Variants in AGBL4 observed in about 807,000 individuals in gnomAD.
The protein encoded by AGBL4 is AGBL carboxypeptidase 4.
In AGBL4, 58 loss-of-function variants were observed where a neutral mutation model predicts 66.4. The ratio of observed to expected loss-of-function variants is 0.87; its 90% CI spans 0.71 to 1.09. The LOEUF is 1.09. AGBL4 is among the 50% of genes least tolerant of loss of function. The pLI is 0.00. For missense variants in AGBL4, 579 were observed against 631.0 expected, an observed-to-expected ratio of 0.92 and a Z score of 0.88; for synonymous variants, 234 against 222.9, an observed-to-expected ratio of 1.05 and a Z score of -0.44.
intron 6 of AGBL4, among the ~76,000 whole-genome samples, chr1:48,810,403 G>A (rs1473732117): frequency 6.6e-6 from 1 of 152,194 alleles, no homozygotes; most frequent in African/African-American, 2.4e-5. Context: ...TAAGGGATCG[G>A]GTCCACTTCA....
At chr1:49,389,203 A>G (rs1644798359) in intron 3 of AGBL4, among the ~76,000 whole-genome samples, 1 of 152,052 alleles carries the variant, frequency 6.6e-6, no homozygotes, top group Admixed American at 6.6e-5. Context: ...GTTGGATATC[A>G]TAGACTTGCT....
chr1:49,066,065 A>G (rs935746478), intron 4 of AGBL4, among the ~76,000 whole-genome samples: 2 of 152,178 alleles, frequency 1.3e-5, no homozygotes, highest in African/African-American at 4.8e-5. Flanking sequence ...GAGGAGGAAA[A>G]AAATAAATCC....
chr1:49,410,833 G>C (rs1645300332), intron 3 of AGBL4, among the ~76,000 whole-genome samples: 1 of 152,150 alleles, frequency 6.6e-6, no homozygotes, highest in African/African-American at 2.4e-5. Context: ...TGACAACAAT[G>C]ACAGTAACGT....
intron 3 of AGBL4, among the ~76,000 whole-genome samples, chr1:49,280,200 A>G (rs1644247610): frequency 6.6e-6 from 1 of 152,026 alleles, no homozygotes; most frequent in South Asian, 2.1e-4. Context: ...CCAACCAGTT[A>G]GCAGTAAGAA....
chr1:49,549,824 A>G (rs1036196568), intron 3 of AGBL4, among the ~76,000 whole-genome samples: 1 of 152,002 alleles, frequency 6.6e-6, no homozygotes, highest in Non-Finnish European at 1.5e-5. Context: ...GTTTAAATCC[A>G]TTGTTTCTTT....
chr1:49,994,398 G>A (rs1021343934), intron 1 of AGBL4: 2 of 150,632 alleles, frequency 1.3e-5, no homozygotes, highest in Non-Finnish European at 3.0e-5. Context: ...GAATGAGGAA[G>A]CAGTATATGA....
At chr1:49,033,816 CCTTTT>C (rs1664422292) in intron 5 of AGBL4, among the ~76,000 whole-genome samples, 1 of 151,280 alleles carries the variant, frequency 6.6e-6, no homozygotes, top group African/African-American at 2.4e-5. Flanking sequence ...CTTCCTTTTT[CCTTTT>C]CTTTTTTTTT....
At chr1:48,581,948 G>GCCA (rs1299638290) in intron 11 of AGBL4, among the ~76,000 whole-genome samples, 1 of 152,200 alleles carries the variant, frequency 6.6e-6, no homozygotes, top group East Asian at 1.9e-4. Context: ...AGGCCAAGAG[G>GCCA]CCACCGGCCA....
chr1:49,821,423 A>G (rs1645366815), intron 2 of AGBL4, among the ~76,000 whole-genome samples: 1 of 152,212 alleles, frequency 6.6e-6, no homozygotes, highest in South Asian at 2.1e-4. Flanking sequence ...GATCAAGGCT[A>G]TGAAAATGCA....
chr1:49,882,105 T>C (rs909135902), intron 1 of AGBL4, among the ~76,000 whole-genome samples: 1 of 152,100 alleles, frequency 6.6e-6, no homozygotes, highest in Non-Finnish European at 1.5e-5. Context: ...TTTCTACATA[T>C]GGCTAGCCAG....
intron 5 of AGBL4, among the ~76,000 whole-genome samples, chr1:49,021,720 G>A (rs1377158603): frequency 1.3e-5 from 2 of 152,164 alleles, no homozygotes; most frequent in East Asian, 3.9e-4. Flanking sequence ...GTATGTGGGA[G>A]AAAATTGTTC....
intron 9 of AGBL4, among the ~76,000 whole-genome samples, chr1:48,633,146 A>T (rs1351241410): frequency 1.3e-5 from 2 of 152,220 alleles, no homozygotes; most frequent in African/African-American, 4.8e-5. Context: ...CTGTGAAAGG[A>T]CCTAGGAAAG....
intron 1 of AGBL4, among the ~76,000 whole-genome samples, chr1:49,854,919 G>A (rs1298547878): frequency 6.6e-6 from 1 of 152,160 alleles, no homozygotes; most frequent in East Asian, 1.9e-4. Flanking sequence ...TGCACCATCA[G>A]AGAGCTTGAG....
At chr1:49,239,833 C>G (rs1348686178) in intron 4 of AGBL4, among the ~76,000 whole-genome samples, 1 of 151,708 alleles carries the variant, frequency 6.6e-6, no homozygotes, top group African/African-American at 2.4e-5. Flanking sequence ...GAGGGGGAGA[C>G]AGATAATAAA....
intron 3 of AGBL4, among the ~76,000 whole-genome samples, chr1:49,378,951 G>A (rs1264093224): frequency 6.6e-6 from 1 of 151,984 alleles, no homozygotes; most frequent in Non-Finnish European, 1.5e-5. Context: ...TTTTTAAAAG[G>A]AAGGTATGAG....
intron 6 of AGBL4, among the ~76,000 whole-genome samples, chr1:48,675,496 A>T (rs546435623): frequency 1.3e-5 from 2 of 152,242 alleles, no homozygotes; most frequent in Non-Finnish European, 2.9e-5. Flanking sequence ...CAAAAGGACA[A>T]TGTCAAAAAG....
At chr1:48,824,175 C>T (rs138183474) in intron 6 of AGBL4, among the ~76,000 whole-genome samples, 3 of 152,262 alleles carry the variant, frequency 2.0e-5, no homozygotes, top group African/African-American at 7.2e-5. Context: ...AAAGGAAAGT[C>T]AAACCTATTT....
At chr1:49,542,465 G>A (rs528952257) in intron 3 of AGBL4, among the ~76,000 whole-genome samples, 10 of 152,072 alleles carry the variant, frequency 6.6e-5, no homozygotes, top group South Asian at 2.1e-4. Context: ...CGGACATGCC[G>A]CCTTTAAGGA....
At chr1:48,546,092 A>T (rs1016968422) in intron 11 of AGBL4, among the ~76,000 whole-genome samples, 1 of 152,194 alleles carries the variant, frequency 6.6e-6, no homozygotes, top group Non-Finnish European at 1.5e-5. Context: ...CAAAAGCAGG[A>T]ACTATTTTTT....
Sources: gnomAD v4.1 joint callset for allele counts (sites outside exome capture counted in the v4.1 genomes callset) on GRCh38, gnomAD v4.1.1 for gene constraint, MANE v1.5 for transcripts, NCBI Gene and HGNC (gene_info 2026-07-23, HGNC 2026-07-21) for gene names.